Variants in BEST1 observed in about 807,000 individuals in gnomAD.
BEST1 encodes bestrophin 1.
A neutral mutation model predicts 63.3 loss-of-function variants in BEST1; 58 were observed. The observed-to-expected ratio is 0.92, with a 90% CI of 0.74 to 1.14. BEST1 has a LOEUF of 1.14. BEST1 is among the 50% of genes most tolerant of loss of function. The probability of loss-of-function intolerance (pLI) is 0.00; values close to 1 mark genes in which losing one functional copy is unlikely to be tolerated. For synonymous variants in BEST1, 283 were observed against 291.6 expected, an observed-to-expected ratio of 0.97 and a Z score of 0.30; for missense variants, 671 against 740.1, an observed-to-expected ratio of 0.91 and a Z score of 1.08.
At chr11:61,957,570 T>G (rs1225687620) in intron 6 of BEST1, 106 bp downstream of exon 6, 2 of 1,062,278 alleles carry the variant, frequency 1.9e-6, no homozygotes. Context: ...GTGGCTCCCC[T>G]GGGAGTTGGG....
intron 10 of BEST1, chr11:61,963,291 GAC>G (rs1460573226): frequency 7.3e-7 from 1 of 1,369,480 alleles, no homozygotes; most frequent in Non-Finnish European, 9.4e-7. Flanking sequence ...TCAGCTGGAT[GAC>G]AGATGAACAC....
At chr11:61,949,853 A>C (rs1178830020), upstream of BEST1, 1 of 152,344 alleles carries the variant, frequency 6.6e-6, no homozygotes, top group Non-Finnish European at 1.5e-5. Flanking sequence ...AGAGGAGCTG[A>C]AACCTACCCG....
intron 7 of BEST1, chr11:61,958,606 C>G: frequency 1.5e-6 from 1 of 656,132 alleles, no homozygotes; most frequent in Non-Finnish European, 2.6e-6. Flanking sequence ...TCAGAAGCCC[C>G]TGCCCTTTAG....
chr11:61,963,760 G>T, intron 10 of BEST1: 1 of 1,194,574 alleles, frequency 8.4e-7, no homozygotes, highest in Non-Finnish European at 1.0e-6. Context: ...CTTGTCTTGG[G>T]CTGGGTGTGG....
intron 2 of BEST1, among the ~76,000 whole-genome samples, chr11:61,953,983 T>C (rs946961920): frequency 1.3e-5 from 2 of 152,206 alleles, no homozygotes; most frequent in African/African-American, 4.8e-5. Flanking sequence ...ACCGAATATA[T>C]GATAGCATTT....
rs1054715142 is a variant in BEST1 at position 61,964,229 on chromosome 11, G to C, written c.*107G>C. 3 of 1,584,526 alleles carry C rather than the reference G, an allele frequency of 1.9e-6. No individual in the cohort carries two copies. In the African/African-American group the frequency reaches 4.0e-5, roughly 21 times the overall value. On this transcript the variant is annotated 3_prime_UTR_variant, in exon 11 of 11. Transcript: ENST00000378043. ...TACAGCTGTCCACACTGAAGAACATGTCCTACAACAGCCTGAATCAAATGG... is the reference window on the plus strand; with the variant it reads ...TACAGCTGTCCACACTGAAGAACATCTCCTACAACAGCCTGAATCAAATGG...
At chr11:61,957,593 A>G in intron 6 of BEST1, 129 bp downstream of exon 6, 1 of 876,930 alleles carries the variant, frequency 1.1e-6, no homozygotes, top group South Asian at 1.4e-5. Context: ...CACACTTTGA[A>G]GTTGGGTCTG....
At chr11:61,957,296 C>A (rs1941475983) in intron 5 of BEST1, 91 bp from the exon 6 acceptor site, 1 of 1,229,968 alleles carries the variant, frequency 8.1e-7, no homozygotes, top group Admixed American at 1.7e-5. Flanking sequence ...ACCATAGGTA[C>A]CAGGCCCTGG....
intron 9 of BEST1, 72 bp from the exon 10 acceptor site, chr11:61,962,183 T>C: frequency 1.3e-6 from 2 of 1,544,102 alleles, no homozygotes; most frequent in Non-Finnish European, 1.8e-6. Context: ...GGAGCGGGGG[T>C]AAGGGAGAAG....
At position 61,963,373 on chromosome 11, in the gene BEST1, A is replaced by G. The variant is rs998462807; in HGVS notation, c.1739+480A>G. 4 of 1,263,190 alleles carry G rather than the reference A, an allele frequency of 3.2e-6. No homozygotes were observed. In the African/African-American group the frequency reaches 6.0e-5, roughly 19 times the overall value. 78.2% of individuals were successfully genotyped at this position (1,263,190 alleles called of 1,614,324 possible). A position where few individuals can be genotyped will look rare whatever the true frequency, so the allele number is the denominator to read the frequency against. ...GGGTGGCAGGAACTGCCTCACTCCT[A>G]GGAACTGGTAGATGGTGAGGTTGAG... On this transcript the variant is annotated intron_variant, in intron 10 of 10. Transcript: ENST00000378043.
In BEST1 at chr11:61,964,093, A is replaced by G; in HGVS notation, c.1740-11A>G. The G allele has an allele frequency of 6.2e-7, 1 of 1,613,722 alleles. No homozygotes were observed. Among genetic ancestry groups the G allele is most frequent in the Non-Finnish European group, 8.5e-7 (1 of 1,179,988 alleles). ...CCATACTTATGCTGTTAATACTTTCATTCTCACTAGGGATGAAGCACATTC... is the reference window on the plus strand; with the variant it reads ...CCATACTTATGCTGTTAATACTTTCGTTCTCACTAGGGATGAAGCACATTC... On this transcript the variant is annotated splice_polypyrimidine_tract_variant and intron_variant, in intron 10 of 10. Coordinates refer to ENST00000378043, the MANE Select transcript of BEST1 (RefSeq NM_004183.4).
rs1051361260 is a variant in BEST1 at position 61,963,621 on chromosome 11, G to A, written c.1740-483G>A. On this transcript the variant is annotated intron_variant, in intron 10 of 10. Transcript: ENST00000378043. ...TGGATTCTCAAGCAGTTACTTTCACGGTCAGAACACGCAGCTATTATGATT... is the reference window on the plus strand; with the variant it reads ...TGGATTCTCAAGCAGTTACTTTCACAGTCAGAACACGCAGCTATTATGATT... The A allele has an allele frequency of 4.8e-5, 49 of 1,024,554 alleles. No individual in the cohort carries two copies. The African/African-American group carries it at 6.4e-4, about 13-fold the overall frequency. 63.5% of individuals were successfully genotyped at this position (1,024,554 alleles called of 1,614,324 possible). A position where few individuals can be genotyped will look rare whatever the true frequency, so the allele number is the denominator to read the frequency against.
intron 9 of BEST1, 173 bp from the exon 10 acceptor site, chr11:61,962,082 C>T: frequency 3.0e-6 from 2 of 664,296 alleles, no homozygotes; most frequent in East Asian, 2.7e-5. Context: ...GGAGGGATCA[C>T]CGGGAGGTAC....
chr11:61,964,125 T>C lies in BEST1; in HGVS notation c.*3T>C. 6.2e-7 allele frequency: 1 copy of C among 1,614,070 alleles called. No homozygotes were observed. The highest frequency in any genetic ancestry group is 8.5e-7 in the Non-Finnish European group (1 of 1,180,030). Reference sequence around the variant, plus strand: ...CTAGGGATGAAGCACATTCCTAACCTGCTTCCTAATGGGGATGCTTCGCCA... The same window carrying C: ...CTAGGGATGAAGCACATTCCTAACCCGCTTCCTAATGGGGATGCTTCGCCA... On this transcript the variant is annotated 3_prime_UTR_variant, in exon 11 of 11. Coordinates refer to ENST00000378043, the MANE Select transcript of BEST1 (RefSeq NM_004183.4).
chr11:61,958,354 A>G (rs1012296193), intron 7 of BEST1, 56 bp downstream of exon 7: 1 of 1,613,512 alleles, frequency 6.2e-7, no homozygotes, highest in Non-Finnish European at 8.5e-7. Flanking sequence ...GGTCATGGCC[A>G]GCAGCTGCCT....
At chr11:61,965,167 C>T (rs985116708), downstream of BEST1, 39 of 1,601,902 alleles carry the variant, frequency 2.4e-5, no homozygotes, top group Non-Finnish European at 3.1e-5. Flanking sequence ...GTCAGCAAGC[C>T]CATCATCTCT....
chr11:61,964,907 G>A (rs1410189426), downstream of BEST1: 6 of 1,612,146 alleles, frequency 3.7e-6, no homozygotes, highest in South Asian at 4.4e-5. Context: ...AAACAATGGG[G>A]AAGACAGTTA....
In BEST1 at chr11:61,951,872, G is replaced by A. The variant is rs2134409545; in HGVS notation, c.66G>A (p.Leu22=). 2.5e-6 allele frequency: 4 copies of A among 1,613,926 alleles called. No homozygotes were observed. The highest frequency in any genetic ancestry group is 8.5e-7 in the Non-Finnish European group (1 of 1,180,004). The change falls in exon 2 of 11, where the codon CTG becomes CTA. Residue 22 remains leucine, a synonymous_variant. Coordinates refer to ENST00000378043, the MANE Select transcript of BEST1 (RefSeq NM_004183.4). The part of the protein sequence containing the change: ...ARLGSFSRLL[L]CWRGSIYKLL... Reference sequence around the variant, plus strand: ...TAGGCTCCTTCTCCCGCCTGCTGCTGTGCTGGCGGGGCAGCATCTACAAGC... The same window carrying A: ...TAGGCTCCTTCTCCCGCCTGCTGCTATGCTGGCGGGGCAGCATCTACAAGC...
intron 1 of BEST1, among the ~76,000 whole-genome samples, chr11:61,950,791 C>G (rs889688996): frequency 3.9e-5 from 6 of 152,156 alleles, no homozygotes. Flanking sequence ...TAAGTGCTCT[C>G]TAGAAATATC....
Sources: gnomAD v4.1 joint callset for allele counts (sites outside exome capture counted in the v4.1 genomes callset) on GRCh38, gnomAD v4.1.1 for gene constraint, MANE v1.5 for transcripts, NCBI Gene and HGNC (gene_info 2026-07-23, HGNC 2026-07-21) for gene names.